The following SCN11A variants were observed in gnomAD, a reference collection of about 807,000 sequenced individuals.
SCN11A encodes the protein sodium voltage-gated channel alpha subunit 11.
In SCN11A, 122 loss-of-function variants were observed where a neutral mutation model predicts 162.2. The observed-to-expected ratio is 0.75, with a 90% CI of 0.65 to 0.87. The LOEUF (loss-of-function observed/expected upper bound fraction) is 0.87. SCN11A is among the 40% of genes least tolerant of loss of function. SCN11A has a pLI of 0.00. For missense variants in SCN11A, 2,015 were observed against 2,181.6 expected (o/e 0.92, Z 1.52); for synonymous variants, 758 against 751.5 (o/e 1.01, Z -0.14).
chr3:38,900,136 C>T, intron 16 of SCN11A, 63 bp from the exon 17 acceptor site: 2 of 1,301,422 alleles, frequency 1.5e-6, no homozygotes, highest in Non-Finnish European at 2.2e-6. Context: ...TAAGAATGGC[C>T]CAAGGGAAGT....
At position 38,921,069 on chromosome 3, in the gene SCN11A, T is replaced by A. The variant is rs2066042400; in HGVS notation, c.892+7A>T. ...ACCAAGGAGTGAAAGAAAGGTTGGG[T>A]ATTTACCATAAGCTTCCGGGTTACT... On this transcript the variant is annotated splice_region_variant and intron_variant, in intron 10 of 29. Coordinates refer to ENST00000302328, the MANE Select transcript of SCN11A (RefSeq NM_001349253.2). The A allele has an allele frequency of 1.9e-6, 3 of 1,613,390 alleles. No homozygotes were observed. Among genetic ancestry groups the A allele is most frequent in the Non-Finnish European group, 2.5e-6 (3 of 1,179,464 alleles).
chr3:38,921,234 G>GC lies in SCN11A; in HGVS notation c.733dup (p.Ala245GlyfsTer45). The GC allele has an allele frequency of 6.2e-7, 1 of 1,613,950 alleles. No homozygotes were observed. On this transcript the variant is annotated frameshift_variant, in exon 10 of 30. Transcript: ENST00000302328. LOFTEE classifies it high-confidence loss of function. ...CAGCTTCTTCACAGAGCGTAGCAAG[G>GC]CCCCCACGATGACCTTCAGACCTGA...
intron 2 of SCN11A, among the ~76,000 whole-genome samples, chr3:39,010,152 A>AAGAAGGTTTTAAAAATAAGCATGTCATT (rs2031086352): frequency 6.6e-6 from 1 of 152,108 alleles, no homozygotes. Context: ...TAATTCTAAA[A>AAGAAGGTTTTAAAAATAAGCATGTCATT]AGAAGGTTTT....
rs910722560 is a variant in SCN11A at position 38,850,368 on chromosome 3, C to G, written c.4327+113G>C. Reference sequence around the variant, plus strand: ...CCCCTGTCTATTCTTTCAGAAAGTACACTTGGCCCAGTTTTCTGCTTTGTG... The same window carrying G: ...CCCCTGTCTATTCTTTCAGAAAGTAGACTTGGCCCAGTTTTCTGCTTTGTG... On this transcript the variant is annotated intron_variant, in intron 29 of 29. Transcript: ENST00000302328. The G allele has an allele frequency of 1.9e-4, 182 of 943,288 alleles. 1 individual carries two copies. The highest frequency in any genetic ancestry group is 2.6e-4 in the Non-Finnish European group (164 of 623,922). The allele number at this position is 943,288 out of a possible 1,614,324, so 58.4% of individuals were successfully genotyped here.
intron 2 of SCN11A, among the ~76,000 whole-genome samples, chr3:38,985,036 T>C (rs2125591789): frequency 6.6e-6 from 1 of 150,576 alleles, no homozygotes; most frequent in Non-Finnish European, 1.5e-5. Flanking sequence ...GCAGACTATT[T>C]CAGTTTTGTG....
chr3:38,907,588 C>T (rs2065820178), intron 14 of SCN11A, among the ~76,000 whole-genome samples: 1 of 152,022 alleles, frequency 6.6e-6, no homozygotes. Flanking sequence ...GGAGCCCACA[C>T]TGACACATAG....
intron 28 of SCN11A, among the ~76,000 whole-genome samples, chr3:38,854,464 A>C (rs1172495380): frequency 6.6e-6 from 1 of 152,230 alleles, no homozygotes; most frequent in East Asian, 1.9e-4. Flanking sequence ...AAGCAAAAAC[A>C]GGAAGATGGG....
At chr3:38,993,000 G>C (rs1185988669) in intron 2 of SCN11A, among the ~76,000 whole-genome samples, 1 of 152,210 alleles carries the variant, frequency 6.6e-6, no homozygotes, top group Non-Finnish European at 1.5e-5. Context: ...CCGATTCTCA[G>C]GAGCAATGGC....
intron 7 of SCN11A, among the ~76,000 whole-genome samples, chr3:38,928,518 C>T (rs1385733566): frequency 1.3e-5 from 2 of 152,028 alleles, no homozygotes; most frequent in African/African-American, 4.8e-5. Context: ...GCACCTGTAT[C>T]CCAGAACTTA....
intron 2 of SCN11A, among the ~76,000 whole-genome samples, chr3:39,012,297 C>T (rs2031162467): frequency 6.6e-6 from 1 of 151,984 alleles, no homozygotes; most frequent in Admixed American, 6.6e-5. Context: ...TGCACTCCAG[C>T]CTGGGCAACA....
chr3:38,939,234 T>C (rs2066403148), intron 7 of SCN11A, among the ~76,000 whole-genome samples: 1 of 151,862 alleles, frequency 6.6e-6, no homozygotes. Context: ...GATATAGTTT[T>C]AGAAAAACAT....
intron 27 of SCN11A, 27 bp from the exon 28 acceptor site, chr3:38,863,326 A>G (rs1239670746): frequency 6.8e-6 from 8 of 1,168,968 alleles, no homozygotes; most frequent in Non-Finnish European, 1.0e-5. Flanking sequence ...AGAGCTAATT[A>G]CCTTTAACAG....
intron 28 of SCN11A, among the ~76,000 whole-genome samples, chr3:38,852,629 C>T (rs1018406318): frequency 6.6e-6 from 1 of 152,192 alleles, no homozygotes; most frequent in South Asian, 2.1e-4. Flanking sequence ...TTCCAAACCC[C>T]TTGTTCTATT....
At chr3:38,891,383 A>G (rs1184339912) in intron 19 of SCN11A, among the ~76,000 whole-genome samples, 1 of 152,140 alleles carries the variant, frequency 6.6e-6, no homozygotes, top group Non-Finnish European at 1.5e-5. Flanking sequence ...AAGAAAGAAA[A>G]ATAAAAAGAG....
chr3:38,858,316 T>C (rs969675502), intron 28 of SCN11A, among the ~76,000 whole-genome samples: 10 of 151,764 alleles, frequency 6.6e-5, no homozygotes, highest in African/African-American at 2.4e-4. Context: ...AGGTAAAGGG[T>C]GGAAAAAGAC....
chr3:38,973,570 T>A (rs1247357932), intron 2 of SCN11A, among the ~76,000 whole-genome samples: 1 of 152,202 alleles, frequency 6.6e-6, no homozygotes, highest in African/African-American at 2.4e-5. Flanking sequence ...CCTTGAATAA[T>A]TCTTGCTAGT....
At chr3:38,963,351 G>GGA (rs200590611) in intron 2 of SCN11A, among the ~76,000 whole-genome samples, 57 of 33,642 alleles carry the variant, frequency 1.7e-3, no homozygotes, top group Middle Eastern at 0.019. Flanking sequence ...TCTATTTGAT[G>GGA]GATATATATA....
intron 2 of SCN11A, among the ~76,000 whole-genome samples, chr3:39,002,409 T>C (rs2030843081): frequency 1.3e-5 from 2 of 152,220 alleles, no homozygotes; most frequent in African/African-American, 4.8e-5. Flanking sequence ...TCTTGAATGA[T>C]TTATACAAGC....
chr3:38,903,779 G>T (rs927828234), intron 16 of SCN11A, 86 bp downstream of exon 16: 4 of 1,024,856 alleles, frequency 3.9e-6, no homozygotes, highest in Non-Finnish European at 5.6e-6. Flanking sequence ...GGTTAGGTTA[G>T]CTCATTCACA....
Sources: gnomAD v4.1 joint callset for allele counts (sites outside exome capture counted in the v4.1 genomes callset) on GRCh38, gnomAD v4.1.1 for gene constraint, MANE v1.5 for transcripts, NCBI Gene and HGNC (gene_info 2026-07-23, HGNC 2026-07-21) for gene names.